Variants in FOXN3 observed in about 807,000 individuals in gnomAD.
FOXN3 encodes forkhead box protein N3.
FOXN3 carries 7 observed loss-of-function variants against 38.4 expected under a neutral mutation model. The observed-to-expected ratio is 0.18, with a 90% confidence interval of 0.10 to 0.34. The LOEUF is 0.34. Among genes scored for constraint, FOXN3 ranks in the 10% least tolerant of loss-of-function variants. FOXN3 has a pLI of 1.00. For synonymous variants in FOXN3, 230 were observed against 242.2 expected (o/e 0.95, Z 0.47); for missense variants, 456 against 613.4 (o/e 0.74, Z 2.71).
intron 4 of FOXN3, among the ~76,000 whole-genome samples, chr14:89,273,592 C>T (rs1886217720): frequency 6.6e-6 from 1 of 152,196 alleles, no homozygotes; most frequent in Admixed American, 6.5e-5. Flanking sequence ...TGGCAAAGAT[C>T]AGAATCAACC....
At chr14:89,293,062 C>G (rs549353336) in intron 3 of FOXN3, among the ~76,000 whole-genome samples, 1 of 152,328 alleles carries the variant, frequency 6.6e-6, no homozygotes, top group South Asian at 2.1e-4. Context: ...AGTTCTAGCC[C>G]TCTCCTCTTT....
At chr14:89,460,387 T>C (rs950018943) in intron 1 of FOXN3, among the ~76,000 whole-genome samples, 1 of 152,154 alleles carries the variant, frequency 6.6e-6, no homozygotes, top group Non-Finnish European at 1.5e-5. Context: ...AACATCTAAA[T>C]AACATCCCAC....
intron 4 of FOXN3, among the ~76,000 whole-genome samples, chr14:89,206,575 C>T (rs768296902): frequency 2.2e-4 from 33 of 152,146 alleles, no homozygotes; most frequent in Non-Finnish European, 3.5e-4. Context: ...TCTGGAGAGG[C>T]GCTCTGCAGG....
chr14:89,482,863 T>C (rs568482498), intron 1 of FOXN3, among the ~76,000 whole-genome samples: 1 of 148,038 alleles, frequency 6.8e-6, no homozygotes, highest in Non-Finnish European at 1.5e-5. Context: ...TGAGCCATGA[T>C]CACACCACTG....
rs534770340 is a variant in FOXN3, at chr14:89,226,827, A to G, written c.746-46021T>C. Among the ~76,000 whole-genome samples, 8 of 152,332 alleles carry G rather than the reference A, an allele frequency of 5.3e-5. No individual in the cohort carries two copies. The East Asian group carries it at 9.6e-4, about 18-fold the overall frequency. On this transcript the variant is annotated intron_variant, in intron 4 of 5. Coordinates refer to ENST00000557258, the MANE Select transcript of FOXN3 (RefSeq NM_005197.4). ...CAGACAGAAACACGAGGAAAACACC[A>G]TCTGAAGACTGGAACTCTGTGGCCA...
intron 4 of FOXN3, among the ~76,000 whole-genome samples, chr14:89,262,356 C>T (rs778436496): frequency 2.6e-4 from 40 of 152,220 alleles, no homozygotes; most frequent in Admixed American, 3.3e-4. Context: ...CACAAATATG[C>T]AAACTGGAGG....
chr14:89,517,180 T>C (rs746693124), intron 1 of FOXN3, among the ~76,000 whole-genome samples: 47 of 151,998 alleles, frequency 3.1e-4, no homozygotes, highest in Non-Finnish European at 3.7e-4. Flanking sequence ...ATGGTCAACA[T>C]GGTGAAACTC....
At chr14:89,501,852 A>AAAC (rs1893807071) in intron 1 of FOXN3, among the ~76,000 whole-genome samples, 1 of 151,596 alleles carries the variant, frequency 6.6e-6, no homozygotes, top group Non-Finnish European at 1.5e-5. Flanking sequence ...CCATCTCAAA[A>AAAC]AAACAAACAA....
upstream of FOXN3, chr14:89,417,838 C>G (rs1299934822): frequency 2.3e-6 from 1 of 440,986 alleles, no homozygotes. Flanking sequence ...GCGTGTCTCC[C>G]GAGGGAGGGC....
chr14:89,561,900 A>AT (rs1469037231), intron 1 of FOXN3, among the ~76,000 whole-genome samples: 4 of 152,208 alleles, frequency 2.6e-5, no homozygotes, highest in African/African-American at 4.8e-5. Context: ...TACCCAAATC[A>AT]TATGTGCTAG....
chr14:89,275,276 G>A (rs1355774429), intron 4 of FOXN3, among the ~76,000 whole-genome samples: 1 of 152,076 alleles, frequency 6.6e-6, no homozygotes, highest in Non-Finnish European at 1.5e-5. Context: ...TCCTCTCCTT[G>A]CACCCGCAGC....
At chr14:89,415,604 CA>C (rs34026101) in intron 1 of FOXN3, among the ~76,000 whole-genome samples, 10,627 of 52,540 alleles carry the variant, frequency 0.2, 701 homozygotes, top group Non-Finnish European at 0.29. Flanking sequence ...CAACAATAAC[CA>C]AAAAAAAAAA....
In FOXN3 at chr14:89,253,755, T is replaced by C. The variant is rs116118878; in HGVS notation, c.745+27195A>G. On this transcript the variant is annotated intron_variant, in intron 4 of 5. Transcript: ENST00000557258. ...TCTAGTCAATCTGTACCCTTCTCAC[T>C]AGCCATCACTGCGTTTTTCAAGACC... Among the ~76,000 whole-genome samples the C allele has an allele frequency of 4.7e-3, 713 of 152,338 alleles. 5 individuals carry two copies. Among genetic ancestry groups the C allele is most frequent in the African/African-American group, 0.016 (677 of 41,564 alleles).
At chr14:89,419,233 A>G (rs1488082878), upstream of FOXN3, 2 of 455,758 alleles carry the variant, frequency 4.4e-6, no homozygotes, top group African/African-American at 4.0e-5. Context: ...TGTGGACAGC[A>G]GGGGACACAT....
At chr14:89,588,954 T>C (rs1895900785) in intron 1 of FOXN3, among the ~76,000 whole-genome samples, 2 of 152,186 alleles carry the variant, frequency 1.3e-5, no homozygotes, top group African/African-American at 4.8e-5. Flanking sequence ...CACACATCTT[T>C]TAAAGGGTGT....
intron 1 of FOXN3, among the ~76,000 whole-genome samples, chr14:89,505,986 C>T (rs1893917575): frequency 6.7e-6 from 1 of 150,142 alleles, no homozygotes; most frequent in South Asian, 2.1e-4. Context: ...AAGTGAGGAG[C>T]GTCTCCGCCT....
chr14:89,516,983 C>A (rs543413364), intron 1 of FOXN3, among the ~76,000 whole-genome samples: 1 of 152,254 alleles, frequency 6.6e-6, no homozygotes, highest in South Asian at 2.1e-4. Context: ...TGGCTTCTCT[C>A]CTCCACACTC....
chr14:89,292,946 G>C (rs750141757), intron 3 of FOXN3, among the ~76,000 whole-genome samples: 1 of 152,104 alleles, frequency 6.6e-6, no homozygotes, highest in African/African-American at 2.4e-5. Context: ...TCCACCTTTA[G>C]CTACAAAACA....
At position 89,159,709 on chromosome 14, in the gene FOXN3, G is replaced by A. The variant is rs1887054393; in HGVS notation, c.*2705C>T. The A allele has an allele frequency of 1.3e-5, 2 of 152,378 alleles. No individual in the cohort carries two copies. The highest frequency in any genetic ancestry group is 2.1e-4 in the South Asian group (1 of 4,824). 9.4% of individuals were successfully genotyped at this position (152,378 alleles called of 1,614,324 possible). On this transcript the variant is annotated 3_prime_UTR_variant, in exon 6 of 6. Transcript: ENST00000557258. Reference sequence around the variant, plus strand: ...ATCATCTGTGGGGTGGGATGAAGGTGGGGGACTGAGCTGGAGGTCTTTAGG... The same window carrying A: ...ATCATCTGTGGGGTGGGATGAAGGTAGGGGACTGAGCTGGAGGTCTTTAGG...
Sources: allele counts gnomAD v4.1 joint callset (sites outside exome capture counted in the v4.1 genomes callset), GRCh38; gene constraint gnomAD v4.1.1; transcripts MANE v1.5; gene names NCBI Gene and HGNC (gene_info 2026-07-23, HGNC 2026-07-21).